The following ESYT2 variants were observed in gnomAD, a reference collection of about 807,000 sequenced individuals.
ESYT2 encodes extended synaptotagmin 2, also known as extended synaptotagmin-2.
ESYT2 carries 54 observed loss-of-function variants against 107.2 expected under a neutral mutation model. That is an observed-to-expected ratio of 0.50 (90% CI 0.40 to 0.63). The LOEUF (loss-of-function observed/expected upper bound fraction) is 0.63, where lower values mean the gene tolerates loss of function less well. ESYT2 is among the 30% of genes least tolerant of loss of function. ESYT2 has a pLI of 0.00. For synonymous variants in ESYT2, 491 were observed against 434.1 expected, an observed-to-expected ratio of 1.13 and a Z score of -1.63; for missense variants, 1,020 against 1,094.5, an observed-to-expected ratio of 0.93 and a Z score of 0.96.
chr7:158,801,546 C>G (rs535447462), intron 1 of ESYT2, among the ~76,000 whole-genome samples: 4 of 152,150 alleles, frequency 2.6e-5, no homozygotes, highest in Non-Finnish European at 5.9e-5. Context: ...AAAAACATCA[C>G]AGAGAAAGAC....
At chr7:158,740,381 C>G (rs1041829532) in intron 18 of ESYT2, among the ~76,000 whole-genome samples, 1 of 152,232 alleles carries the variant, frequency 6.6e-6, no homozygotes. Flanking sequence ...TTATGATTCA[C>G]CAATTGAGCA....
intron 1 of ESYT2, among the ~76,000 whole-genome samples, chr7:158,814,365 C>G (rs1189219): frequency 7.7e-6 from 1 of 130,110 alleles, no homozygotes; most frequent in African/African-American, 3.1e-5. Flanking sequence ...ATACCTTACT[C>G]GTCCAGATGA....
At chr7:158,807,254 GAAA>G (rs372309924) in intron 1 of ESYT2, among the ~76,000 whole-genome samples, 2 of 117,228 alleles carry the variant, frequency 1.7e-5, no homozygotes, top group East Asian at 2.4e-4. Context: ...CCGTCTGAAG[GAAA>G]AAAAAAAAAA....
chr7:158,778,187 T>C (rs1231902003), intron 6 of ESYT2, among the ~76,000 whole-genome samples: 1 of 152,160 alleles, frequency 6.6e-6, no homozygotes, highest in African/African-American at 2.4e-5. Flanking sequence ...AATTAACAAC[T>C]CTCTTAAGAG....
chr7:158,828,821 G>T (rs1437587263), intron 1 of ESYT2, among the ~76,000 whole-genome samples: 1 of 147,694 alleles, frequency 6.8e-6, no homozygotes, highest in Non-Finnish European at 1.5e-5. Context: ...AGTCGGGGCC[G>T]GGGGGCGGGG....
intron 9 of ESYT2, among the ~76,000 whole-genome samples, chr7:158,763,998 A>C (rs1321809263): frequency 6.6e-6 from 1 of 152,192 alleles, no homozygotes; most frequent in African/African-American, 2.4e-5. Context: ...AATTCTACAC[A>C]TACGTCAGTC....
chr7:158,737,269 T>A (rs1348356178), intron 19 of ESYT2, 90 bp from the exon 20 acceptor site: 2 of 1,474,622 alleles, frequency 1.4e-6, no homozygotes, highest in African/African-American at 2.8e-5. Context: ...AAGCTTTGAT[T>A]TCATGTTTAT....
chr7:158,804,927 G>C (rs925553752), intron 1 of ESYT2, among the ~76,000 whole-genome samples: 2 of 152,194 alleles, frequency 1.3e-5, no homozygotes, highest in Admixed American at 6.5e-5. Flanking sequence ...TGTGGGGCCT[G>C]GGGAAAAGCA....
chr7:158,759,957 T>A, intron 12 of ESYT2, 101 bp downstream of exon 12: 6 of 1,016,390 alleles, frequency 5.9e-6, no homozygotes, highest in South Asian at 1.4e-5. Context: ...ATTACTGCTA[T>A]AATTGTTAAA....
rs1217316546 is a variant in ESYT2 at position 158,829,351 on chromosome 7, TCAGGCGCCGCGCGGCCCCCAGCCCCG to T, written c.42_67del (p.Gly15GlufsTer94). On this transcript the variant is annotated frameshift_variant, in exon 1 of 23. Coordinates refer to ENST00000275418, the MANE Select transcript of ESYT2 (RefSeq NM_001367773.1). LOFTEE classifies it high-confidence loss of function. ...CACGCTCAGCACGCCCCCGGGGTTCTCAGGCGCCGCGCGGCCCCCAGCCCCGCCGGCGCCCGCCTCCGGGCCCTCGC... is the reference window on the plus strand; with the variant it reads ...CACGCTCAGCACGCCCCCGGGGTTCTCCGGCGCCCGCCTCCGGGCCCTCGC... The T allele has an allele frequency of 7.1e-7, 1 of 1,406,088 alleles. No individual in the cohort carries two copies. Among genetic ancestry groups the T allele is most frequent in the Non-Finnish European group, 9.2e-7 (1 of 1,084,446 alleles). The allele number at this position is 1,406,088 out of a possible 1,614,324, so 87.1% of individuals were successfully genotyped here. A position where few individuals can be genotyped will look rare whatever the true frequency, so the allele number is the denominator to read the frequency against.
In ESYT2 at chr7:158,732,942, C is replaced by T. The variant is rs893413754; in HGVS notation, c.*1265G>A. ...CTACGACACTGCAACAGAGCCTCACCTCACAGGAGGTCTGGGGGACTCTTA... is the reference window on the plus strand; with the variant it reads ...CTACGACACTGCAACAGAGCCTCACTTCACAGGAGGTCTGGGGGACTCTTA... On this transcript the variant is annotated 3_prime_UTR_variant, in exon 23 of 23. Coordinates refer to ENST00000275418, the MANE Select transcript of ESYT2 (RefSeq NM_001367773.1). 2.0e-5 allele frequency: 3 copies of T among 152,254 alleles called. No homozygotes were observed. The highest frequency in any genetic ancestry group is 7.2e-5 in the African/African-American group (3 of 41,450). The allele number at this position is 152,254 out of a possible 1,614,324, so 9.4% of individuals were successfully genotyped here. A position where few individuals can be genotyped will look rare whatever the true frequency, so the allele number is the denominator to read the frequency against.
intron 22 of ESYT2, 23 bp downstream of exon 22, chr7:158,734,399 C>G: frequency 1.2e-6 from 2 of 1,613,412 alleles, no homozygotes; most frequent in Non-Finnish European, 1.7e-6. Context: ...CTGGGGTTCT[C>G]TGTCTGCAGC....
At chr7:158,781,763 G>T (rs566560081) in intron 6 of ESYT2, among the ~76,000 whole-genome samples, 1 of 152,132 alleles carries the variant, frequency 6.6e-6, no homozygotes, top group African/African-American at 2.4e-5. Context: ...TGAGAGATGT[G>T]AGTGTAAGAA....
At chr7:158,797,725 G>A (rs982135467) in intron 3 of ESYT2, among the ~76,000 whole-genome samples, 4 of 151,688 alleles carry the variant, frequency 2.6e-5, no homozygotes, top group Non-Finnish European at 5.9e-5. Flanking sequence ...GTGGTGGAGG[G>A]CGCCTGTAGT....
chr7:158,775,180 T>C (rs752565315), intron 6 of ESYT2, among the ~76,000 whole-genome samples: 3 of 152,196 alleles, frequency 2.0e-5, no homozygotes, highest in Non-Finnish European at 4.4e-5. Context: ...ATACCTTTAT[T>C]TTAAAACATT....
intron 1 of ESYT2, among the ~76,000 whole-genome samples, chr7:158,818,080 T>C (rs1840194842): frequency 6.6e-6 from 1 of 152,232 alleles, no homozygotes; most frequent in Non-Finnish European, 1.5e-5. Flanking sequence ...CTATTACAAC[T>C]GACCCCGAAA....
chr7:158,763,617 A>AT (rs755734142), intron 9 of ESYT2, among the ~76,000 whole-genome samples: 21 of 152,022 alleles, frequency 1.4e-4, no homozygotes, highest in Non-Finnish European at 2.9e-4. Context: ...TAGGACACTT[A>AT]TTTTTTTATT....
chr7:158,752,936 A>G, intron 13 of ESYT2, 93 bp from the exon 14 acceptor site: 1 of 805,286 alleles, frequency 1.2e-6, no homozygotes, highest in Non-Finnish European at 1.8e-6. Flanking sequence ...TTATGGGAAT[A>G]AACAAACAAA....
At chr7:158,743,753 C>T (rs777359696) in intron 16 of ESYT2, 75 bp from the exon 17 acceptor site, 1 of 1,476,512 alleles carries the variant, frequency 6.8e-7, no homozygotes, top group African/African-American at 1.5e-5. Context: ...GTCTACGCTC[C>T]TGACCCTTTG....
Sources: gnomAD v4.1 joint callset for allele counts (sites outside exome capture counted in the v4.1 genomes callset) on GRCh38, gnomAD v4.1.1 for gene constraint, MANE v1.5 for transcripts, NCBI Gene and HGNC (gene_info 2026-07-23, HGNC 2026-07-21) for gene names.